NSG1: variants seen among roughly 807,000 people sequenced by gnomAD.
NSG1 encodes neuronal vesicle trafficking associated 1.
NSG1 carries 9 observed loss-of-function variants against 19.3 expected under a neutral mutation model. That is an observed-to-expected ratio of 0.47 (90% CI 0.28 to 0.81). NSG1 has a LOEUF of 0.81. Among genes scored for constraint, NSG1 ranks in the 40% least tolerant of loss-of-function variants. NSG1 has a pLI of 0.11. For missense variants in NSG1, 236 were observed against 242.4 expected, an observed-to-expected ratio of 0.97 and a Z score of 0.18; for synonymous variants, 104 against 107.0, an observed-to-expected ratio of 0.97 and a Z score of 0.17.
Position 4,419,014 on chromosome 4 carries a change from T to G in NSG1, c.*1579T>G, listed in dbSNP as rs1724761685. ...TATTGACTGTGAATTCATTTACATG[T>G]AACTTCTGACATTTCACTCTGTGCA... On this transcript the variant is annotated 3_prime_UTR_variant, in exon 5 of 5. Transcript: ENST00000621129. 6.6e-6 allele frequency: 1 copy of G among 152,268 alleles called. No individual in the cohort carries two copies. The highest frequency in any genetic ancestry group is 2.4e-5 in the African/African-American group (1 of 41,462). 9.4% of individuals were successfully genotyped at this position (152,268 alleles called of 1,614,324 possible).
At chr4:4,416,843 C>T (rs1207364240) in intron 4 of NSG1, among the ~76,000 whole-genome samples, 22 of 152,198 alleles carry the variant, frequency 1.4e-4, no homozygotes, top group Admixed American at 1.4e-3. Context: ...GAACCTAGCT[C>T]AAGGGAAGCT....
At chr4:4,389,032 G>A (rs746878897) in intron 2 of NSG1, among the ~76,000 whole-genome samples, 1 of 152,230 alleles carries the variant, frequency 6.6e-6, no homozygotes, top group South Asian at 2.1e-4. Flanking sequence ...TCCAGTTAGC[G>A]GGGCCTGGCC....
intron 3 of NSG1, among the ~76,000 whole-genome samples, chr4:4,397,661 C>T (rs1261247413): frequency 6.6e-6 from 1 of 152,208 alleles, no homozygotes; most frequent in East Asian, 1.9e-4. Flanking sequence ...AGGTGGGGCC[C>T]TTCTGTGAGT....
At position 4,411,457 on chromosome 4, in the gene NSG1, T is replaced by C. The variant is rs578094946; in HGVS notation, c.357+1774T>C. Among the ~76,000 whole-genome samples the C allele has an allele frequency of 8.5e-5, 13 of 152,242 alleles. No homozygotes were observed. The South Asian group carries it at 2.7e-3, about 32-fold the overall frequency. ...GGGCTGTCATCTCTTAGGATAACAA[T>C]GCCAGGCCAGGTGCAGTGGCTCACG... On this transcript the variant is annotated intron_variant, in intron 4 of 4. Transcript: ENST00000621129.
rs1446124569 is a variant in NSG1, at chr4:4,417,907, TG to T, written c.*473del. 1 of 221,878 alleles carries T rather than the reference TG, an allele frequency of 4.5e-6. No homozygotes were observed. The highest frequency in any genetic ancestry group is 2.4e-5 in the African/African-American group (1 of 42,358). The allele number at this position is 221,878 out of a possible 1,614,324, so 13.7% of individuals were successfully genotyped here. ...ATCAGCGGGTAACAGTGCTGACTGC[TG>T]CCAAGGTGCACTGTAGTAAGTAAGT... On this transcript the variant is annotated 3_prime_UTR_variant, in exon 5 of 5. Transcript: ENST00000621129.
intron 3 of NSG1, among the ~76,000 whole-genome samples, chr4:4,392,219 C>G (rs908710873): frequency 8.6e-5 from 13 of 152,018 alleles, no homozygotes; most frequent in African/African-American, 2.7e-4. Flanking sequence ...TCCAGCCTGT[C>G]TCGGTGGGAG....
At chr4:4,404,351 G>T (rs1180084371) in intron 3 of NSG1, among the ~76,000 whole-genome samples, 1 of 152,242 alleles carries the variant, frequency 6.6e-6, no homozygotes, top group African/African-American at 2.4e-5. Context: ...CGTGCCCACT[G>T]TTTGCCAGCC....
chr4:4,388,730 G>A (rs1487349031), intron 2 of NSG1, among the ~76,000 whole-genome samples: 15 of 152,200 alleles, frequency 9.9e-5, no homozygotes, highest in East Asian at 5.8e-4. Flanking sequence ...GATTGCTGAC[G>A]GGGTGGGTGT....
At chr4:4,416,266 C>T (rs1724535774) in intron 4 of NSG1, 1 of 700,082 alleles carries the variant, frequency 1.4e-6, no homozygotes, top group South Asian at 1.5e-5. Flanking sequence ...CTGCCAGTGG[C>T]AGCCCCTGAA....
At chr4:4,410,259 A>G (rs186867410) in intron 4 of NSG1, among the ~76,000 whole-genome samples, 1 of 152,326 alleles carries the variant, frequency 6.6e-6, no homozygotes, top group Admixed American at 6.5e-5. Flanking sequence ...CTCGCTTTGC[A>G]TATATAATGC....
chr4:4,390,392 T>C (rs981546073), intron 2 of NSG1, among the ~76,000 whole-genome samples: 1 of 152,230 alleles, frequency 6.6e-6, no homozygotes. Context: ...CCGCTGTTCT[T>C]TCTCCCCAAG....
chr4:4,410,059 G>T (rs555587834), intron 4 of NSG1, among the ~76,000 whole-genome samples: 6 of 152,186 alleles, frequency 3.9e-5, no homozygotes, highest in African/African-American at 1.4e-4. Context: ...GACCATGTCC[G>T]CCACATGAAA....
intron 4 of NSG1, among the ~76,000 whole-genome samples, chr4:4,417,030 C>T (rs1724582443): frequency 6.6e-6 from 1 of 152,158 alleles, no homozygotes; most frequent in African/African-American, 2.4e-5. Flanking sequence ...TGGCACTCAC[C>T]AGCCAGTCTA....
chr4:4,406,759 T>G (rs942784411), intron 3 of NSG1, among the ~76,000 whole-genome samples: 1 of 152,148 alleles, frequency 6.6e-6, no homozygotes, highest in Non-Finnish European at 1.5e-5. Flanking sequence ...TGGAGCCAGG[T>G]GCCAGACTCC....
At chr4:4,389,060 C>A (rs1463521916) in intron 2 of NSG1, among the ~76,000 whole-genome samples, 3 of 152,248 alleles carry the variant, frequency 2.0e-5, no homozygotes, top group African/African-American at 7.2e-5. Context: ...CCCCACACCC[C>A]CTCCTGCCTG....
At position 4,411,193 on chromosome 4, in the gene NSG1, A is replaced by C. The variant is rs75966335; in HGVS notation, c.357+1510A>C. 9.1e-3 allele frequency among the ~76,000 whole-genome samples: 1,392 copies of C among 152,346 alleles called. 8 individuals carry two copies. The highest frequency in any genetic ancestry group is 0.017 in the Admixed American group (264 of 15,304). On this transcript the variant is annotated intron_variant, in intron 4 of 4. Transcript: ENST00000621129. Reference sequence around the variant, plus strand: ...AAATGTAAGTTTTTGACTCTTTTGTAATAACACTTAGCTTAAAGCTCAAAC... The same window carrying C: ...AAATGTAAGTTTTTGACTCTTTTGTCATAACACTTAGCTTAAAGCTCAAAC...
In NSG1 at chr4:4,417,295, C is replaced by T. The variant is rs774194888; in HGVS notation, c.418C>T (p.Arg140Trp). ...CTACGCGGAGCAAGACTCCAGTGCCCGGGAGAAATTTTACACAGTCATAAA... is the reference window on the plus strand; with the variant it reads ...CTACGCGGAGCAAGACTCCAGTGCCTGGGAGAAATTTTACACAGTCATAAA... The part of the protein sequence containing the change: ...SYYAEQDSSA[R>W]EKFYTVINHY... The change falls in exon 5 of 5, where the codon CGG (arginine) becomes TGG (tryptophan). Residue 140 changes from arginine (R) to tryptophan (W), a missense_variant. Transcript: ENST00000621129. The T allele has an allele frequency of 1.1e-5, 17 of 1,613,976 alleles. No individual in the cohort carries two copies. Among genetic ancestry groups the T allele is most frequent in the East Asian group, 6.7e-5 (3 of 44,880 alleles).
intron 4 of NSG1, among the ~76,000 whole-genome samples, chr4:4,411,021 A>G (rs1245532150): frequency 6.6e-6 from 1 of 151,950 alleles, no homozygotes; most frequent in African/African-American, 2.4e-5. Flanking sequence ...CCACCCGGCT[A>G]ATTTTTGTAT....
chr4:4,404,720 G>A (rs1220204181), intron 3 of NSG1, among the ~76,000 whole-genome samples: 4 of 152,316 alleles, frequency 2.6e-5, no homozygotes, highest in East Asian at 1.9e-4. Flanking sequence ...AGTATCTCAT[G>A]GGGAGGGGGC....
Sources: allele counts gnomAD v4.1 joint callset (sites outside exome capture counted in the v4.1 genomes callset), GRCh38; gene constraint gnomAD v4.1.1; transcripts MANE v1.5; gene names NCBI Gene and HGNC (gene_info 2026-07-23, HGNC 2026-07-21).